SPRY1: variants seen among roughly 807,000 people sequenced by gnomAD.
SPRY1 encodes sprouty RTK signaling antagonist 1, also known as protein sprouty homolog 1.
In SPRY1, 20 loss-of-function variants were observed where a neutral mutation model predicts 22.6. That is an observed-to-expected ratio of 0.89 (90% CI 0.62 to 1.29). The LOEUF is 1.29. Among genes scored for constraint, SPRY1 ranks in the 50% most tolerant of loss-of-function variants. The pLI, the probability that SPRY1 is intolerant of heterozygous loss-of-function variation, is 0.00. For synonymous variants in SPRY1, 155 were observed against 144.7 expected (o/e 1.07, Z -0.51); for missense variants, 446 against 387.7 (o/e 1.15, Z -1.26).
intron 2 of SPRY1, chr4:123,400,176 C>G (rs924317673): frequency 6.6e-6 from 1 of 152,122 alleles, no homozygotes; most frequent in African/African-American, 2.4e-5. Context: ...GACTCCGAGA[C>G]TAAATCCCCG....
chr4:123,401,759 G>A lies in SPRY1; in HGVS notation c.168G>A (p.Gly56=). 6.2e-7 allele frequency: 1 copy of A among 1,614,190 alleles called. No homozygotes were observed. The highest frequency in any genetic ancestry group is 8.5e-7 in the Non-Finnish European group (1 of 1,180,024). The change falls in exon 3 of 3, where the codon GGG becomes GGA. Residue 56 remains glycine, a synonymous_variant. Transcript: ENST00000651917. ...GAGGCAGCAATGAATACACAGAAGGGCCTTCGGTGGTGAAAAGACCTGCTC... is the reference window on the plus strand; with the variant it reads ...GAGGCAGCAATGAATACACAGAAGGACCTTCGGTGGTGAAAAGACCTGCTC... ...AIRGSNEYTE[G]PSVVKRPAPR...
chr4:123,401,162 A>G (rs1182976040), intron 2 of SPRY1, among the ~76,000 whole-genome samples: 1 of 152,206 alleles, frequency 6.6e-6, no homozygotes, highest in Admixed American at 6.5e-5. Flanking sequence ...TGAACTGATA[A>G]CTGAGCTTTC....
chr4:123,399,281 C>T (rs1725050057), intron 2 of SPRY1, among the ~76,000 whole-genome samples: 1 of 151,978 alleles, frequency 6.6e-6, no homozygotes, highest in African/African-American at 2.4e-5. Flanking sequence ...GAGACTGAGG[C>T]GGGAGACCCG....
intron 2 of SPRY1, chr4:123,398,437 G>A (rs1227401127): frequency 2.0e-5 from 3 of 151,172 alleles, no homozygotes; most frequent in African/African-American, 7.3e-5. Context: ...GGTTGATGCG[G>A]CACGTGCACG....
At chr4:123,401,510 T>G in intron 2 of SPRY1, 27 bp from the exon 3 acceptor site, 1 of 1,522,968 alleles carries the variant, frequency 6.6e-7, no homozygotes, top group Non-Finnish European at 8.8e-7. Flanking sequence ...TTATTTTCTG[T>G]TTTTTTCATC....
chr4:123,398,991 G>A (rs1315254218), intron 2 of SPRY1, among the ~76,000 whole-genome samples: 2 of 152,146 alleles, frequency 1.3e-5, no homozygotes, highest in Non-Finnish European at 2.9e-5. Context: ...CCCCTCGATA[G>A]AATTAGGCAG....
At chr4:123,401,459 T>C in intron 2 of SPRY1, 78 bp from the exon 3 acceptor site, 1 of 1,296,330 alleles carries the variant, frequency 7.7e-7, no homozygotes, top group Non-Finnish European at 1.1e-6. Context: ...ATTTGTGATT[T>C]GACAGGATTC....
intron 2 of SPRY1, 43 bp from the exon 3 acceptor site, chr4:123,401,494 T>G: frequency 3.6e-6 from 5 of 1,401,284 alleles, no homozygotes; most frequent in Non-Finnish European, 4.8e-6. Context: ...AAATGCTTCC[T>G]GTCATTTATT....
chr4:123,402,923 C>G lies in SPRY1; in HGVS notation c.*372C>G. 2.3e-6 allele frequency: 1 copy of G among 430,580 alleles called. No homozygotes were observed. Among genetic ancestry groups the G allele is most frequent in the Non-Finnish European group, 4.2e-6 (1 of 235,474 alleles). 26.7% of individuals were successfully genotyped at this position (430,580 alleles called of 1,614,324 possible). A position where few individuals can be genotyped will look rare whatever the true frequency, so the allele number is the denominator to read the frequency against. ...TTGTTTTGATTGGGTACCGTGGGAG[C>G]AGGGAAATTGGTTTTTTAAAAAGCA... On this transcript the variant is annotated 3_prime_UTR_variant, in exon 3 of 3. Transcript: ENST00000651917.
Position 123,403,699 on chromosome 4 carries a change from G to A in SPRY1, c.*1148G>A, listed in dbSNP as rs982994857. On this transcript the variant is annotated 3_prime_UTR_variant, in exon 3 of 3. Coordinates refer to ENST00000651917, the MANE Select transcript of SPRY1 (RefSeq NM_001258038.2). ...ATCAATACTTAACGGAAAATAAGGT[G>A]ACACGAAGAAAGTACATATGTTAAC... The A allele has an allele frequency of 6.0e-6, 1 of 167,034 alleles. No individual in the cohort carries two copies. The highest frequency in any genetic ancestry group is 1.5e-5 in the Non-Finnish European group (1 of 68,106). 10.3% of individuals were successfully genotyped at this position (167,034 alleles called of 1,614,324 possible).
Position 123,402,595 on chromosome 4 carries a change from T to C in SPRY1, c.*44T>C, listed in dbSNP as rs747655877. 1.3e-6 allele frequency: 2 copies of C among 1,542,228 alleles called. No homozygotes were observed. The highest frequency in any genetic ancestry group is 2.3e-5 in the East Asian group (1 of 44,174). On this transcript the variant is annotated 3_prime_UTR_variant, in exon 3 of 3. Coordinates refer to ENST00000651917, the MANE Select transcript of SPRY1 (RefSeq NM_001258038.2). Reference sequence around the variant, plus strand: ...ACCTCCTGAACTTTTAGCTTTCAAGTTGTGGCTGTTTTTTGTTTTTGTTTT... The same window carrying C: ...ACCTCCTGAACTTTTAGCTTTCAAGCTGTGGCTGTTTTTTGTTTTTGTTTT...
chr4:123,402,458 G>T lies in SPRY1; in HGVS notation c.867G>T (p.Trp289Cys), dbSNP rs1725212730. 1.2e-6 allele frequency: 2 copies of T among 1,614,010 alleles called. No homozygotes were observed. The highest frequency in any genetic ancestry group is 2.7e-5 in the African/African-American group (2 of 74,906). Residue 289 changes from tryptophan to cysteine, a missense_variant, in exon 3 of 3, where the codon TGG (tryptophan) becomes TGT (cysteine). Transcript: ENST00000651917. ...CLKLCRRCYD[W>C]IHRPGCRCKN... ...AGCTGTGCAGGAGGTGTTATGACTGGATCCATCGCCCAGGGTGCAGATGTA... is the reference window on the plus strand; with the variant it reads ...AGCTGTGCAGGAGGTGTTATGACTGTATCCATCGCCCAGGGTGCAGATGTA...
Position 123,402,054 on chromosome 4 carries a change from C to T in SPRY1, c.463C>T (p.Arg155Trp), listed in dbSNP as rs780874264. The T allele has an allele frequency of 2.7e-5, 43 of 1,614,044 alleles. No individual in the cohort carries two copies. Among genetic ancestry groups the T allele is most frequent in the Admixed American group, 6.7e-5 (4 of 60,002 alleles). The change falls in exon 3 of 3, where the codon CGG (arginine) becomes TGG (tryptophan). Residue 155 changes from arginine to tryptophan, a missense_variant. Physicochemically the swap from Arg to Trp is moderately radical, Grantham distance 101. Coordinates refer to ENST00000651917, the MANE Select transcript of SPRY1 (RefSeq NM_001258038.2). Reference protein sequence around the residue: ...VPGHRSERAIRTQPKQLIVDD... With the variant: ...VPGHRSERAIWTQPKQLIVDD... ...TGGTCATAGGTCTGAAAGGGCAATCCGGACCCAGCCCAAGCAACTGATTGT... is the reference window on the plus strand; with the variant it reads ...TGGTCATAGGTCTGAAAGGGCAATCTGGACCCAGCCCAAGCAACTGATTGT...
rs866173162 is a variant in SPRY1, at chr4:123,397,734, G to T, written c.-178G>T. The T allele has an allele frequency of 2.0e-5, 3 of 151,694 alleles. No homozygotes were observed. The highest frequency in any genetic ancestry group is 7.3e-5 in the African/African-American group (3 of 41,270). The allele number at this position is 151,694 out of a possible 1,614,324, so 9.4% of individuals were successfully genotyped here. A position where few individuals can be genotyped will look rare whatever the true frequency, so the allele number is the denominator to read the frequency against. On this transcript the variant is annotated 5_prime_UTR_variant, in exon 2 of 3. Transcript: ENST00000651917. ...CCCCACTTGCCCAACGTGCGGAATC[G>T]GCTAAGCGCGTCGGCCTGCGCGGGG...
chr4:123,401,285 C>T (rs1725136272), intron 2 of SPRY1, among the ~76,000 whole-genome samples: 1 of 152,184 alleles, frequency 6.6e-6, no homozygotes, highest in African/African-American at 2.4e-5. Context: ...GATTCTGCTT[C>T]TTAAAAGTTG....
chr4:123,401,505 TTC>T (rs775134020), intron 2 of SPRY1, 30 bp from the exon 3 acceptor site: 239 of 1,490,430 alleles, frequency 1.6e-4, no homozygotes, highest in Admixed American at 5.7e-4. Context: ...GTCATTTATT[TTC>T]TGTTTTTTTC....
Position 123,402,078 on chromosome 4 carries a change from G to T in SPRY1, c.487G>T (p.Val163Leu). ...AIRTQPKQLI[V>L]DDLKGSLKED... Reference sequence around the variant, plus strand: ...CCGGACCCAGCCCAAGCAACTGATTGTGGATGACTTGAAGGGTTCCTTGAA... The same window carrying T: ...CCGGACCCAGCCCAAGCAACTGATTTTGGATGACTTGAAGGGTTCCTTGAA... Residue 163 changes from valine (V) to leucine (L), a missense_variant, in exon 3 of 3, where the codon GTG (valine) becomes TTG (leucine). Coordinates refer to ENST00000651917, the MANE Select transcript of SPRY1 (RefSeq NM_001258038.2). 1 of 1,614,210 alleles carries T rather than the reference G, an allele frequency of 6.2e-7. No individual in the cohort carries two copies. Among genetic ancestry groups the T allele is most frequent in the Middle Eastern group, 1.6e-4 (1 of 6,062 alleles).
At position 123,397,753 on chromosome 4, in the gene SPRY1, C is replaced by T. The variant is rs1166177937; in HGVS notation, c.-159C>T. The T allele has an allele frequency of 6.6e-6, 1 of 150,940 alleles. No homozygotes were observed. The highest frequency in any genetic ancestry group is 2.4e-5 in the African/African-American group (1 of 40,978). The allele number at this position is 150,940 out of a possible 1,614,324, so 9.4% of individuals were successfully genotyped here. A position where few individuals can be genotyped will look rare whatever the true frequency, so the allele number is the denominator to read the frequency against. ...GGAATCGGCTAAGCGCGTCGGCCTG[C>T]GCGGGGCACAAGGGACGACGCCCGC... On this transcript the variant is annotated 5_prime_UTR_variant, in exon 2 of 3. Coordinates refer to ENST00000651917, the MANE Select transcript of SPRY1 (RefSeq NM_001258038.2).
intron 2 of SPRY1, 122 bp downstream of exon 2, chr4:123,397,978 C>T (rs927805512): frequency 6.6e-6 from 1 of 152,146 alleles, no homozygotes; most frequent in Non-Finnish European, 1.5e-5. Context: ...GTTCGGGCCC[C>T]GACCCGGGCG....
Sources: gnomAD v4.1 joint callset for allele counts (sites outside exome capture counted in the v4.1 genomes callset) on GRCh38, gnomAD v4.1.1 for gene constraint, MANE v1.5 for transcripts, NCBI Gene and HGNC (gene_info 2026-07-23, HGNC 2026-07-21) for gene names.